Variants in FBXL20 observed in about 807,000 individuals in gnomAD.
The protein encoded by FBXL20 is F-box/LRR-repeat protein 20.
Under a neutral mutation model 64.0 loss-of-function variants are expected in FBXL20, and 11 were observed. The observed-to-expected ratio is 0.17, with a 90% CI of 0.11 to 0.28. The LOEUF (loss-of-function observed/expected upper bound fraction) is 0.28. Ranked by LOEUF, FBXL20 falls within the 10% of genes least tolerant of loss-of-function variation. FBXL20 has a pLI of 1.00. For synonymous variants in FBXL20, 184 were observed against 189.0 expected (o/e 0.97, Z 0.22); for missense variants, 303 against 526.2 (o/e 0.58, Z 4.15).
intron 1 of FBXL20, among the ~76,000 whole-genome samples, chr17:39,380,337 C>T (rs1567903788): frequency 1.3e-5 from 2 of 152,174 alleles, no homozygotes; most frequent in Admixed American, 6.6e-5. Context: ...CACCCTGTTC[C>T]GAATTCCCAC....
chr17:39,373,001 T>A (rs1156630130), intron 1 of FBXL20, among the ~76,000 whole-genome samples: 1 of 151,852 alleles, frequency 6.6e-6, no homozygotes, highest in East Asian at 1.9e-4. Flanking sequence ...TACTTATTTT[T>A]CTTTTCTTTT....
In FBXL20 at chr17:39,399,469, A is replaced by G. The variant is rs371676774; in HGVS notation, c.42+1892T>C. Among the ~76,000 whole-genome samples the G allele has an allele frequency of 9.1e-4, 138 of 152,372 alleles. No homozygotes were observed. In the South Asian group the frequency reaches 0.026, roughly 28 times the overall value. On this transcript the variant is annotated intron_variant, in intron 1 of 14. Coordinates refer to ENST00000264658, the MANE Select transcript of FBXL20 (RefSeq NM_032875.3). ...AATAAAGAGGTAAATGGTTTTAAGA[A>G]GTACTCAATGAACTTCATTAACACA...
At chr17:39,347,743 T>G (rs1366570983) in intron 1 of FBXL20, among the ~76,000 whole-genome samples, 3 of 152,182 alleles carry the variant, frequency 2.0e-5, no homozygotes, top group Non-Finnish European at 4.4e-5. Context: ...GCTTTTGGTG[T>G]TTTAGTCATG....
chr17:39,292,659 G>A (rs1380835273), intron 6 of FBXL20, among the ~76,000 whole-genome samples: 1 of 151,732 alleles, frequency 6.6e-6, no homozygotes, highest in Non-Finnish European at 1.5e-5. Context: ...TTCGCTTGTT[G>A]CCCAGGCTGG....
intron 1 of FBXL20, among the ~76,000 whole-genome samples, chr17:39,371,040 G>A (rs1347668062): frequency 6.6e-6 from 1 of 151,738 alleles, no homozygotes; most frequent in African/African-American, 2.4e-5. Flanking sequence ...CCACCATGGA[G>A]AAACCCCATC....
At chr17:39,337,740 C>T (rs2047539959) in intron 2 of FBXL20, among the ~76,000 whole-genome samples, 1 of 151,624 alleles carries the variant, frequency 6.6e-6, no homozygotes, top group Non-Finnish European at 1.5e-5. Context: ...GGAGGAGCGT[C>T]TCCGACGGGC....
At chr17:39,402,394 C>T (rs914603691), upstream of FBXL20, 1 of 414,922 alleles carries the variant, frequency 2.4e-6, no homozygotes, top group Non-Finnish European at 4.1e-6. Flanking sequence ...GTGCATGGCT[C>T]GGGAGGGCGA....
Position 39,401,563 on chromosome 17 carries a change from C to G in FBXL20, c.-161G>C. ...AAGAGACCTCTCGGCTCCGGCTAGG[C>G]CTCCACCACCTCCCGCGGCGCCGGC... On this transcript the variant is annotated 5_prime_UTR_variant, in exon 1 of 15. Coordinates refer to ENST00000264658, the MANE Select transcript of FBXL20 (RefSeq NM_032875.3). 3 of 1,410,848 alleles carry G rather than the reference C, an allele frequency of 2.1e-6. No individual in the cohort carries two copies. In the East Asian group the frequency reaches 8.3e-5, roughly 39 times the overall value. The allele number at this position is 1,410,848 out of a possible 1,614,324, so 87.4% of individuals were successfully genotyped here. A position where few individuals can be genotyped will look rare whatever the true frequency, so the allele number is the denominator to read the frequency against.
At chr17:39,381,875 T>A (rs1023356621) in intron 1 of FBXL20, among the ~76,000 whole-genome samples, 1 of 147,438 alleles carries the variant, frequency 6.8e-6, no homozygotes, top group African/African-American at 2.5e-5. Flanking sequence ...GGGGGGCGGA[T>A]CACGAGGCCA....
chr17:39,401,171 G>A (rs2048238628), intron 1 of FBXL20, among the ~76,000 whole-genome samples, 190 bp downstream of exon 1: 1 of 152,198 alleles, frequency 6.6e-6, no homozygotes, highest in South Asian at 2.1e-4. Context: ...GGGCGAACCG[G>A]CGAGGGGACT....
intron 2 of FBXL20, among the ~76,000 whole-genome samples, chr17:39,312,466 C>T (rs949887253): frequency 6.8e-6 from 1 of 147,502 alleles, no homozygotes; most frequent in African/African-American, 2.5e-5. Flanking sequence ...ATCTGGCTCC[C>T]TAGTAAGATG....
chr17:39,323,532 G>A (rs2144519390), intron 2 of FBXL20, among the ~76,000 whole-genome samples: 1 of 143,720 alleles, frequency 7.0e-6, no homozygotes, highest in East Asian at 2.0e-4. Context: ...TTAAGAAGGG[G>A]GTTTTCTCTC....
chr17:39,347,195 G>T (rs1471200040), intron 1 of FBXL20, among the ~76,000 whole-genome samples: 2 of 152,034 alleles, frequency 1.3e-5, no homozygotes, highest in Admixed American at 6.6e-5. Context: ...TAATCCTTTG[G>T]GTATATACCC....
intron 4 of FBXL20, among the ~76,000 whole-genome samples, chr17:39,299,679 G>A (rs576882708): frequency 6.6e-6 from 1 of 152,296 alleles, no homozygotes; most frequent in East Asian, 1.9e-4. Context: ...TACTCGGGAG[G>A]CTGAGGCAGG....
At chr17:39,292,090 G>A (rs940454888) in intron 6 of FBXL20, among the ~76,000 whole-genome samples, 1 of 150,636 alleles carries the variant, frequency 6.6e-6, no homozygotes, top group Non-Finnish European at 1.5e-5. Flanking sequence ...TTATTCTGAT[G>A]CTTTTTGGTG....
chr17:39,388,757 C>T (rs1043397341), intron 1 of FBXL20, among the ~76,000 whole-genome samples: 4 of 148,352 alleles, frequency 2.7e-5, no homozygotes, highest in Non-Finnish European at 5.9e-5. Context: ...GCTGGGATTA[C>T]AGGTGTGAGC....
intron 9 of FBXL20, among the ~76,000 whole-genome samples, chr17:39,277,288 T>C (rs1312803257): frequency 6.6e-6 from 1 of 152,182 alleles, no homozygotes; most frequent in South Asian, 2.1e-4. Flanking sequence ...TAGACTATGA[T>C]AGCCGAGATG....
intron 9 of FBXL20, among the ~76,000 whole-genome samples, chr17:39,276,307 GAAGA>G (rs956555330): frequency 1.3e-5 from 2 of 149,050 alleles, no homozygotes; most frequent in Non-Finnish European, 1.5e-5. Context: ...GGAAAGAAAG[GAAGA>G]AAGAAAGAAA....
At chr17:39,386,619 G>A (rs1011977719) in intron 1 of FBXL20, among the ~76,000 whole-genome samples, 3 of 152,088 alleles carry the variant, frequency 2.0e-5, no homozygotes, top group African/African-American at 7.2e-5. Flanking sequence ...GTGAGACTCC[G>A]TCTCAAAAAA....
Sources: allele counts gnomAD v4.1 joint callset (sites outside exome capture counted in the v4.1 genomes callset), GRCh38; gene constraint gnomAD v4.1.1; transcripts MANE v1.5; gene names NCBI Gene and HGNC (gene_info 2026-07-23, HGNC 2026-07-21).